The following HMCN1 variants were observed in gnomAD, a reference collection of about 807,000 sequenced individuals.
HMCN1 encodes the protein hemicentin 1, also known as hemicentin-1.
HMCN1 carries 321 observed loss-of-function variants against 625.9 expected under a neutral mutation model. The ratio of observed to expected loss-of-function variants is 0.51; its 90% confidence interval spans 0.47 to 0.56. The LOEUF (loss-of-function observed/expected upper bound fraction) is 0.56, where lower values mean the gene tolerates loss of function less well. HMCN1 is among the 20% of genes least tolerant of loss of function. The probability of loss-of-function intolerance (pLI) is 0.00; values close to 1 mark genes in which losing one functional copy is unlikely to be tolerated. For synonymous variants in HMCN1, 2,425 were observed against 2,417.6 expected (o/e 1.00, Z -0.09); for missense variants, 6,588 against 6,887.3 (o/e 0.96, Z 1.54).
chr1:186,074,908 A>G lies in HMCN1; in HGVS notation c.8290+17A>G. ...ATATTCAAGGTAATACTAATTGCTT[A>G]TTGTATATAATGTAATTTATATGAT... On this transcript the variant is annotated intron_variant, in intron 53 of 106. Transcript: ENST00000271588. The G allele has an allele frequency of 6.4e-7, 1 of 1,557,250 alleles. No homozygotes were observed. The highest frequency in any genetic ancestry group is 8.9e-7 in the Non-Finnish European group (1 of 1,128,736).
chr1:185,840,532 C>G (rs1377850402), intron 1 of HMCN1, among the ~76,000 whole-genome samples: 1 of 152,158 alleles, frequency 6.6e-6, no homozygotes, highest in Non-Finnish European at 1.5e-5. Flanking sequence ...TATCCCAACT[C>G]ATACCCTGGA....
intron 97 of HMCN1, among the ~76,000 whole-genome samples, chr1:186,163,196 T>C (rs574630207): frequency 6.6e-6 from 1 of 152,340 alleles, no homozygotes; most frequent in South Asian, 2.1e-4. Flanking sequence ...TCCATGGGCA[T>C]AGGACCCTCT....
At chr1:186,119,541 T>A (rs1558237621) in intron 78 of HMCN1, among the ~76,000 whole-genome samples, 1 of 152,198 alleles carries the variant, frequency 6.6e-6, no homozygotes, top group Non-Finnish European at 1.5e-5. Flanking sequence ...ACTCTAGTCT[T>A]CCAGTGGGGT....
Position 186,123,237 on chromosome 1 carries a change from G to T in HMCN1, c.12499+17G>T. 6.2e-7 allele frequency: 1 copy of T among 1,609,416 alleles called. No individual in the cohort carries two copies. The highest frequency in any genetic ancestry group is 1.1e-5 in the South Asian group (1 of 90,300). On this transcript the variant is annotated intron_variant, in intron 81 of 106. Coordinates refer to ENST00000271588, the MANE Select transcript of HMCN1 (RefSeq NM_031935.3). ...CCGTCCATGGTAGGTTGTTTAACAT[G>T]AATTATTTTAGTCTGCTGCACTACC... is the stretch of plus-strand genomic sequence containing the variant.
chr1:186,062,962 C>T (rs1657809247), intron 48 of HMCN1, among the ~76,000 whole-genome samples: 1 of 149,418 alleles, frequency 6.7e-6, no homozygotes, highest in Non-Finnish European at 1.5e-5. Context: ...AAGATAAAGG[C>T]CTCCGGTTCC....
chr1:185,975,905 C>A (rs1162868179), intron 15 of HMCN1, among the ~76,000 whole-genome samples: 1 of 152,026 alleles, frequency 6.6e-6, no homozygotes, highest in East Asian at 1.9e-4. Context: ...CACACACACA[C>A]ACGCACACAC....
At chr1:186,068,748 A>G (rs1164332441) in intron 50 of HMCN1, among the ~76,000 whole-genome samples, 1 of 151,876 alleles carries the variant, frequency 6.6e-6, no homozygotes, top group Non-Finnish European at 1.5e-5. Flanking sequence ...ACATGCCTGT[A>G]GTCCCAGCTA....
At position 185,866,003 on chromosome 1, in the gene HMCN1, A is replaced by G. The variant is rs576354090; in HGVS notation, c.621+140A>G. The G allele has an allele frequency of 9.3e-6, 7 of 753,604 alleles. No homozygotes were observed. The East Asian group carries it at 1.4e-4, about 15-fold the overall frequency. The allele number at this position is 753,604 out of a possible 1,614,324, so 46.7% of individuals were successfully genotyped here. ...TCCAAGGCCACAGTTCAATAAAGGC[A>G]TTGAATAATGTGAAGAAATATAGGT... On this transcript the variant is annotated intron_variant, in intron 4 of 106. Coordinates refer to ENST00000271588, the MANE Select transcript of HMCN1 (RefSeq NM_031935.3).
rs1302188067 is a variant in HMCN1 at position 186,039,846 on chromosome 1, G to A, written c.6147G>A (p.Gly2049=). 1.2e-6 allele frequency: 2 copies of A among 1,613,310 alleles called. No homozygotes were observed. The highest frequency in any genetic ancestry group is 1.3e-5 in the African/African-American group (1 of 74,854). ...CAAGTCTGACCTGGTTGAAAGATGGGAGTCCTGTTTCTAGTTTTTCTAATG... is the reference window on the plus strand; with the variant it reads ...CAAGTCTGACCTGGTTGAAAGATGGAAGTCCTGTTTCTAGTTTTTCTAATG... The part of the protein sequence containing the change: ...PAPSLTWLKD[G]SPVSSFSNGL... The change falls in exon 39 of 107, where the codon GGG becomes GGA. Residue 2049 remains glycine (G), a synonymous_variant. Coordinates refer to ENST00000271588, the MANE Select transcript of HMCN1 (RefSeq NM_031935.3).
chr1:185,903,522 T>C (rs1258647258), intron 4 of HMCN1, among the ~76,000 whole-genome samples: 2 of 151,840 alleles, frequency 1.3e-5, no homozygotes, highest in African/African-American at 4.8e-5. Flanking sequence ...TTTATGGCTA[T>C]ACAACACATC....
At chr1:186,034,517 A>G (rs1456738966) in intron 36 of HMCN1, among the ~76,000 whole-genome samples, 2 of 152,182 alleles carry the variant, frequency 1.3e-5, no homozygotes, top group African/African-American at 2.4e-5. Flanking sequence ...AATCTTGCAA[A>G]CAGGGATTTT....
At position 186,171,377 on chromosome 1, in the gene HMCN1, C is replaced by T; in HGVS notation, c.15615C>T (p.Arg5205=). The T allele has an allele frequency of 6.2e-7, 1 of 1,613,532 alleles. No homozygotes were observed. Among genetic ancestry groups the T allele is most frequent in the Non-Finnish European group, 8.5e-7 (1 of 1,179,540 alleles). Residue 5205 remains arginine, a synonymous_variant, in exon 101 of 107, where the codon CGC becomes CGT. Transcript: ENST00000271588. The stretch of plus-strand genomic sequence containing the variant: ...AAGAATCCAGCCCCTGTCACCAGCG[C>T]TGTTTCAATGCCATAGGAAGTTTCC... ...ECQESSPCHQ[R]CFNAIGSFHC...
intron 83 of HMCN1, among the ~76,000 whole-genome samples, chr1:186,129,074 A>T (rs1052782398): frequency 6.6e-6 from 1 of 152,074 alleles, no homozygotes; most frequent in African/African-American, 2.4e-5. Flanking sequence ...CTAAGAAAAA[A>T]CAGACACTAA....
At chr1:185,764,575 T>C (rs1655742231) in intron 1 of HMCN1, among the ~76,000 whole-genome samples, 1 of 152,176 alleles carries the variant, frequency 6.6e-6, no homozygotes, top group South Asian at 2.1e-4. Context: ...TTCTGACTTA[T>C]GGATCTAATA....
intron 10 of HMCN1, among the ~76,000 whole-genome samples, chr1:185,931,438 T>G (rs1000415257): frequency 1.3e-5 from 2 of 152,184 alleles, no homozygotes; most frequent in Non-Finnish European, 2.9e-5. Context: ...AATATTTCAA[T>G]GTGTATAATA....
intron 69 of HMCN1, 41 bp from the exon 70 acceptor site, chr1:186,106,843 A>G (rs1400139135): frequency 1.5e-6 from 2 of 1,301,392 alleles, no homozygotes; most frequent in Admixed American, 1.7e-5. Flanking sequence ...AACAAAAGCT[A>G]ACATGTTAAC....
intron 1 of HMCN1, among the ~76,000 whole-genome samples, chr1:185,736,315 T>A (rs1367066851): frequency 6.6e-6 from 1 of 151,924 alleles, no homozygotes; most frequent in Non-Finnish European, 1.5e-5. Flanking sequence ...TTGTAATTTC[T>A]ACATTGGTTA....
At chr1:186,153,681 A>G in intron 96 of HMCN1, 69 bp from the exon 97 acceptor site, 1 of 1,248,790 alleles carries the variant, frequency 8.0e-7, no homozygotes, top group Non-Finnish European at 1.2e-6. Flanking sequence ...TCTGCATTTC[A>G]TAGTCCCCTT....
chr1:186,125,520 G>GT, intron 81 of HMCN1, 84 bp from the exon 82 acceptor site: 3 of 1,075,872 alleles, frequency 2.8e-6, no homozygotes, highest in Non-Finnish European at 2.9e-6. Flanking sequence ...CCTGAAAAGA[G>GT]TTTTTTATGT....
Sources: gnomAD v4.1 joint callset for allele counts (sites outside exome capture counted in the v4.1 genomes callset) on GRCh38, gnomAD v4.1.1 for gene constraint, MANE v1.5 for transcripts, NCBI Gene and HGNC (gene_info 2026-07-23, HGNC 2026-07-21) for gene names.